Variants in MAP10 observed in about 807,000 individuals in gnomAD.
The protein encoded by MAP10 is microtubule associated protein 10, also known as microtubule-associated protein 10.
Under a neutral mutation model 6.3 loss-of-function variants are expected in MAP10, and 10 were observed. The ratio of observed to expected loss-of-function variants is 1.58; its 90% confidence interval spans 0.98 to 2.69. The LOEUF (loss-of-function observed/expected upper bound fraction) is 2.69. Ranked by LOEUF, MAP10 falls within the 30% of genes most tolerant of loss-of-function variation. The pLI, the probability that MAP10 is intolerant of heterozygous loss-of-function variation, is 0.00. For missense variants in MAP10, 1,189 were observed against 1,086.5 expected, an observed-to-expected ratio of 1.09 and a Z score of -1.33; for synonymous variants, 459 against 429.3, an observed-to-expected ratio of 1.07 and a Z score of -0.86.
rs1666098274 is a variant in MAP10, at chr1:232,806,177, A to G, written c.728A>G (p.Gln243Arg). ...PLGELEIPEAQKDLKEMVKSK... is the reference protein window; with the variant it reads ...PLGELEIPEARKDLKEMVKSK... ...GGGGAGTTAGAAATCCCAGAGGCAC[A>G]GAAGGATTTGAAGGAAATGGTTAAA... is the stretch of plus-strand genomic sequence containing the variant. Residue 243 changes from glutamine (Q) to arginine (R), a missense_variant, in exon 1 of 1, where the codon CAG (glutamine) becomes CGG (arginine). Physicochemically the swap from Gln to Arg is conservative, Grantham distance 43 (BLOSUM62 1). Coordinates refer to ENST00000418460, the MANE Select transcript of MAP10 (RefSeq NM_019090.3). 1 of 1,613,958 alleles carries G rather than the reference A, an allele frequency of 6.2e-7. No homozygotes were observed. Among genetic ancestry groups the G allele is most frequent in the Admixed American group, 1.7e-5 (1 of 60,018 alleles).
Position 232,807,209 on chromosome 1 carries a change from G to A in MAP10, c.1760G>A (p.Ser587Asn), listed in dbSNP as rs781132494. 34 of 1,613,536 alleles carry A rather than the reference G, an allele frequency of 2.1e-5. No individual in the cohort carries two copies. The highest frequency in any genetic ancestry group is 2.9e-5 in the Non-Finnish European group (34 of 1,179,744). Residue 587 changes from serine (S) to asparagine (N), a missense_variant, in exon 1 of 1, where the codon AGC becomes AAC. Physicochemically the swap from Ser to Asn is conservative, Grantham distance 46. Coordinates refer to ENST00000418460, the MANE Select transcript of MAP10 (RefSeq NM_019090.3). Reference protein sequence around the residue: ...RQISGVFDEPSTSKETKLKYA... With the variant: ...RQISGVFDEPNTSKETKLKYA... ...ATCAGTGGAGTTTTTGATGAGCCCAGCACAAGTAAAGAAACTAAACTGAAA... is the reference window on the plus strand; with the variant it reads ...ATCAGTGGAGTTTTTGATGAGCCCAACACAAGTAAAGAAACTAAACTGAAA...
Position 232,808,198 on chromosome 1 carries a change from C to T in MAP10, c.*31C>T, listed in dbSNP as rs771388280. The T allele has an allele frequency of 7.1e-7, 1 of 1,414,606 alleles. No individual in the cohort carries two copies. Among genetic ancestry groups the T allele is most frequent in the South Asian group, 1.7e-5 (1 of 57,686 alleles). The allele number at this position is 1,414,606 out of a possible 1,614,324, so 87.6% of individuals were successfully genotyped here. A position where few individuals can be genotyped will look rare whatever the true frequency, so the allele number is the denominator to read the frequency against. ...CATGCTTTTAAAAAACTTTCAAGGA[C>T]CTATGTGTACTGTTAGTGAAAAAAA... On this transcript the variant is annotated 3_prime_UTR_variant, in exon 1 of 1. Coordinates refer to ENST00000418460, the MANE Select transcript of MAP10 (RefSeq NM_019090.3).
chr1:232,806,579 C>T lies in MAP10; in HGVS notation c.1130C>T (p.Ala377Val), dbSNP rs1558361413. Residue 377 changes from alanine to valine, a missense_variant, in exon 1 of 1, where the codon GCA becomes GTA. Physicochemically the swap from Ala to Val is moderately conservative, Grantham distance 64 (BLOSUM62 0). Transcript: ENST00000418460. The stretch of plus-strand genomic sequence containing the variant: ...CCTCCACATATTCAGAATATAGGAG[C>T]AACTAATCAAACATGTCAAACTGAA... ...VNPPHIQNIG[A>V]TNQTCQTEQN... 6.2e-7 allele frequency: 1 copy of T among 1,613,886 alleles called. No homozygotes were observed. Among genetic ancestry groups the T allele is most frequent in the South Asian group, 1.1e-5 (1 of 91,068 alleles).
Position 232,809,837 on chromosome 1 carries a change from A to G in MAP10, c.*1670A>G, listed in dbSNP as rs555231989. ...AAATATTGTAATGCCAGGTATTGTA[A>G]CTAGATGTTTAATGATGTGAACTGT... is the stretch of plus-strand genomic sequence containing the variant. On this transcript the variant is annotated 3_prime_UTR_variant, in exon 1 of 1. Transcript: ENST00000418460. 1.8e-4 allele frequency among the ~76,000 whole-genome samples: 27 copies of G among 152,234 alleles called. No individual in the cohort carries two copies. Among genetic ancestry groups the G allele is most frequent in the African/African-American group, 6.5e-4 (27 of 41,572 alleles).
At position 232,808,589 on chromosome 1, in the gene MAP10, A is replaced by G. The variant is rs1431069959; in HGVS notation, c.*422A>G. Among the ~76,000 whole-genome samples the G allele has an allele frequency of 1.3e-5, 2 of 152,196 alleles. No individual in the cohort carries two copies. The highest frequency in any genetic ancestry group is 2.4e-5 in the African/African-American group (1 of 41,474). On this transcript the variant is annotated 3_prime_UTR_variant, in exon 1 of 1. Transcript: ENST00000418460. ...GAAAGGTGCAGAATCTATTTATGATAGAGCCCTGCTGTTTTAAAAGCTTAC... is the reference window on the plus strand; with the variant it reads ...GAAAGGTGCAGAATCTATTTATGATGGAGCCCTGCTGTTTTAAAAGCTTAC...
In MAP10 at chr1:232,808,307, G is replaced by T; in HGVS notation, c.*140G>T. ...AACGTTATTCCTTTGATGTTTAAATGGTATTTTACCATTAAATCTGATAAT... is the reference window on the plus strand; with the variant it reads ...AACGTTATTCCTTTGATGTTTAAATTGTATTTTACCATTAAATCTGATAAT... On this transcript the variant is annotated 3_prime_UTR_variant, in exon 1 of 1. Coordinates refer to ENST00000418460, the MANE Select transcript of MAP10 (RefSeq NM_019090.3). 1.7e-5 allele frequency: 9 copies of T among 518,678 alleles called. No homozygotes were observed. Among genetic ancestry groups the T allele is most frequent in the South Asian group, 1.3e-4 (3 of 22,414 alleles). 32.1% of individuals were successfully genotyped at this position (518,678 alleles called of 1,614,324 possible).
the MAP10 span, chr1:232,807,176 C>G: frequency 1.1e-5 from 17 of 1,613,064 alleles, 1 homozygote; most frequent in South Asian, 1.8e-4. Context: ...AGTGATACCT[C>G]AAGACAAATC....
Position 232,809,875 on chromosome 1 carries a change from A to G in MAP10, c.*1708A>G, listed in dbSNP as rs1259548645. On this transcript the variant is annotated 3_prime_UTR_variant, in exon 1 of 1. Coordinates refer to ENST00000418460, the MANE Select transcript of MAP10 (RefSeq NM_019090.3). ...TGATGTGAACTGTGTAAATTGTTTA[A>G]TAGCAATTTGTCATTACTATGGAAG... Among the ~76,000 whole-genome samples the G allele has an allele frequency of 6.6e-6, 1 of 152,118 alleles. No homozygotes were observed. Among genetic ancestry groups the G allele is most frequent in the Non-Finnish European group, 1.5e-5 (1 of 67,940 alleles).
Position 232,809,473 on chromosome 1 carries a change from G to T in MAP10, c.*1306G>T, listed in dbSNP as rs1271369255. Among the ~76,000 whole-genome samples, 1 of 151,924 alleles carries T rather than the reference G, an allele frequency of 6.6e-6. No homozygotes were observed. The highest frequency in any genetic ancestry group is 2.4e-5 in the African/African-American group (1 of 41,412). On this transcript the variant is annotated 3_prime_UTR_variant, in exon 1 of 1. Coordinates refer to ENST00000418460, the MANE Select transcript of MAP10 (RefSeq NM_019090.3). ...ATGGGAATGAGCCTGATATATTTATGGGACAATTTAAAATATTATCTTGAA... is the reference window on the plus strand; with the variant it reads ...ATGGGAATGAGCCTGATATATTTATTGGACAATTTAAAATATTATCTTGAA...
In MAP10 at chr1:232,807,882, G is replaced by C. The variant is rs377577250; in HGVS notation, c.2433G>C (p.Gln811His). 8.9e-5 allele frequency: 143 copies of C among 1,613,452 alleles called. No homozygotes were observed. Among genetic ancestry groups the C allele is most frequent in the Non-Finnish European group, 1.1e-4 (134 of 1,179,738 alleles). ...ATTGGACTGAACAAAAAGAAAACCA[G>C]ATAGATCAAAATAGTATGCACAATT... The part of the protein sequence containing the change: ...STHWTEQKEN[Q>H]IDQNSMHNSE... Residue 811 changes from glutamine to histidine, a missense_variant, in exon 1 of 1, where the codon CAG becomes CAC. Coordinates refer to ENST00000418460, the MANE Select transcript of MAP10 (RefSeq NM_019090.3).
Position 232,806,365 on chromosome 1 carries a change from T to G in MAP10, c.916T>G (p.Tyr306Asp), listed in dbSNP as rs1304737390. ...TATATTTTGCCCTCCTCCTTTGTAT[T>G]ACACTAACTTGACCCAAGAAAAACC... is the stretch of plus-strand genomic sequence containing the variant. ...TNIFCPPPLYYTNLTQEKPPP... is the reference protein window; with the variant it reads ...TNIFCPPPLYDTNLTQEKPPP... The change falls in exon 1 of 1, where the codon TAC (tyrosine) becomes GAC (aspartate). Residue 306 changes from tyrosine (Y) to aspartate (D), a missense_variant. Physicochemically the swap from Tyr to Asp is radical, Grantham distance 160. Transcript: ENST00000418460. The G allele has an allele frequency of 3.1e-6, 5 of 1,613,760 alleles. No individual in the cohort carries two copies. The highest frequency in any genetic ancestry group is 4.2e-6 in the Non-Finnish European group (5 of 1,179,884).
chr1:232,808,181 TA>T lies in MAP10; in HGVS notation c.*20del. 6.6e-7 allele frequency: 1 copy of T among 1,509,454 alleles called. No homozygotes were observed. Among genetic ancestry groups the T allele is most frequent in the South Asian group, 1.4e-5 (1 of 72,674 alleles). 93.5% of individuals were successfully genotyped at this position (1,509,454 alleles called of 1,614,324 possible). A position where few individuals can be genotyped will look rare whatever the true frequency, so the allele number is the denominator to read the frequency against. ...TACACAATGTAAAAATACATGCTTT[TA>T]AAAAACTTTCAAGGACCTATGTGTA... is the stretch of plus-strand genomic sequence containing the variant. On this transcript the variant is annotated 3_prime_UTR_variant, in exon 1 of 1. Coordinates refer to ENST00000418460, the MANE Select transcript of MAP10 (RefSeq NM_019090.3).
In MAP10 at chr1:232,805,474, C is replaced by T. The variant is rs1293491886; in HGVS notation, c.25C>T (p.Leu9Phe). 1.3e-6 allele frequency: 2 copies of T among 1,595,480 alleles called. No homozygotes were observed. MAASLSERLFSLELLVDWV... is the reference protein window; with the variant it reads MAASLSERFFSLELLVDWV... ...AATGGCGGCCTCGCTGTCCGAGCGG[C>T]TCTTCTCGCTGGAGCTGCTGGTGGA... Residue 9 changes from leucine to phenylalanine, a missense_variant, in exon 1 of 1, where the codon CTC becomes TTC. By Grantham distance (22) the Leu-to-Phe change is conservative (BLOSUM62 0). Coordinates refer to ENST00000418460, the MANE Select transcript of MAP10 (RefSeq NM_019090.3).
At position 232,806,777 on chromosome 1, in the gene MAP10, G is replaced by A. The variant is rs990453589; in HGVS notation, c.1328G>A (p.Cys443Tyr). The A allele has an allele frequency of 2.0e-5, 33 of 1,613,682 alleles. No homozygotes were observed. The highest frequency in any genetic ancestry group is 3.3e-4 in the Middle Eastern group (2 of 6,080). The change falls in exon 1 of 1, where the codon TGC becomes TAC. Residue 443 changes from cysteine (C) to tyrosine (Y), a missense_variant. Cys to Tyr is a radical substitution (Grantham distance 194). Transcript: ENST00000418460. ...KSPESSAKST[C>Y]RSEAKKDKRS... ...CCCGAATCTTCTGCCAAATCCACAT[G>A]CCGGTCTGAAGCCAAGAAGGATAAG... is the stretch of plus-strand genomic sequence containing the variant.
In MAP10 at chr1:232,806,487, A is replaced by G; in HGVS notation, c.1038A>G (p.Pro346=). 1 of 1,613,952 alleles carries G rather than the reference A, an allele frequency of 6.2e-7. No individual in the cohort carries two copies. Among genetic ancestry groups the G allele is most frequent in the Non-Finnish European group, 8.5e-7 (1 of 1,179,896 alleles). The change falls in exon 1 of 1, where the codon CCA becomes CCG. Residue 346 remains proline, a synonymous_variant. Transcript: ENST00000418460. ...ASPEKKRVNP[P]AHRSCLKHPS... is the part of the protein sequence containing the mutation. ...CTGAAAAAAAGCGTGTAAATCCCCCAGCACACAGGAGTTGTCTAAAGCATC... is the reference window on the plus strand; with the variant it reads ...CTGAAAAAAAGCGTGTAAATCCCCCGGCACACAGGAGTTGTCTAAAGCATC...
At position 232,809,284 on chromosome 1, in the gene MAP10, A is replaced by G. The variant is rs80023785; in HGVS notation, c.*1117A>G. 7.5e-3 allele frequency among the ~76,000 whole-genome samples: 1,140 copies of G among 152,118 alleles called. 15 individuals are homozygous for G. Among genetic ancestry groups the G allele is most frequent in the African/African-American group, 0.026 (1,069 of 41,526 alleles). The stretch of plus-strand genomic sequence containing the variant: ...TACTTTAATTTTTAGACTTTTTAAT[A>G]TATCTAACGTTTTTGAATGTATGAA... On this transcript the variant is annotated 3_prime_UTR_variant, in exon 1 of 1. Transcript: ENST00000418460.
rs1183420099 is a variant in MAP10 at position 232,805,954 on chromosome 1, G to A, written c.505G>A (p.Gly169Ser). ...RGRFPLHNRV[G>S]ERTGDIALAY... Reference sequence around the variant, plus strand: ...ACGTTTCCCCCTGCATAATCGAGTGGGCGAGCGGACTGGGGACATTGCACT... The same window carrying A: ...ACGTTTCCCCCTGCATAATCGAGTGAGCGAGCGGACTGGGGACATTGCACT... The change falls in exon 1 of 1, where the codon GGC becomes AGC. Residue 169 changes from glycine (G) to serine (S), a missense_variant. Coordinates refer to ENST00000418460, the MANE Select transcript of MAP10 (RefSeq NM_019090.3). 6.2e-7 allele frequency: 1 copy of A among 1,613,046 alleles called. No homozygotes were observed. The highest frequency in any genetic ancestry group is 2.2e-5 in the East Asian group (1 of 44,836).
At position 232,808,946 on chromosome 1, in the gene MAP10, C is replaced by T. The variant is rs1666153140; in HGVS notation, c.*779C>T. Among the ~76,000 whole-genome samples the T allele has an allele frequency of 6.6e-6, 1 of 151,904 alleles. No homozygotes were observed. The highest frequency in any genetic ancestry group is 2.4e-5 in the African/African-American group (1 of 41,370). On this transcript the variant is annotated 3_prime_UTR_variant, in exon 1 of 1. Transcript: ENST00000418460. ...TTAAGCAGCAAAAATAAGCAGATTC[C>T]CTAAAATAAACCTGCAGAAAATCCT...
chr1:232,806,956 C>CT, the MAP10 span: 1 of 1,612,322 alleles, frequency 6.2e-7, no homozygotes, highest in Non-Finnish European at 8.5e-7. Context: ...AACAAATACA[C>CT]TAAGACTACG....
Sources: allele counts gnomAD v4.1 joint callset (sites outside exome capture counted in the v4.1 genomes callset), GRCh38; gene constraint gnomAD v4.1.1; transcripts MANE v1.5; gene names NCBI Gene and HGNC (gene_info 2026-07-23, HGNC 2026-07-21).